The following ATXN7 variants were observed in gnomAD, a reference collection of about 807,000 sequenced individuals.
ATXN7 encodes the protein ataxin-7.
A neutral mutation model predicts 70.5 loss-of-function variants in ATXN7; 12 were observed. The ratio of observed to expected loss-of-function variants is 0.17; its 90% CI spans 0.11 to 0.28. ATXN7 has a LOEUF of 0.28. Among genes scored for constraint, ATXN7 ranks in the 10% least tolerant of loss-of-function variants. ATXN7 has a pLI of 1.00. For synonymous variants in ATXN7, 498 were observed against 448.7 expected (o/e 1.11, Z -1.39); for missense variants, 1,256 against 1,131.7 (o/e 1.11, Z -1.58).
intron 7 of ATXN7, 143 bp from the exon 8 acceptor site, chr3:63,982,793 CGTT>C (rs142586136): frequency 0.12 from 80,453 of 667,114 alleles, 5,255 homozygotes; most frequent in Admixed American, 0.17. Flanking sequence ...AGCACTCACA[CGTT>C]GTATATTTTT....
chr3:63,991,106 G>A, intron 11 of ATXN7: 1 of 509,484 alleles, frequency 2.0e-6, no homozygotes, highest in Non-Finnish European at 3.5e-6. Context: ...GTCTAGTTGG[G>A]ATTGGGTAAG....
intron 4 of ATXN7, among the ~76,000 whole-genome samples, chr3:63,944,262 C>G (rs1395714697): frequency 6.6e-6 from 1 of 152,110 alleles, no homozygotes; most frequent in Non-Finnish European, 1.5e-5. Flanking sequence ...ACATACATAA[C>G]TATGTTAAAG....
At chr3:63,930,532 A>G (rs757416155) in intron 4 of ATXN7, among the ~76,000 whole-genome samples, 30 of 144,084 alleles carry the variant, frequency 2.1e-4, no homozygotes, top group Admixed American at 6.9e-4. Flanking sequence ...AGAGTTTACA[A>G]TTTTTTTTTT....
chr3:63,946,579 C>T (rs1559642069), intron 4 of ATXN7, among the ~76,000 whole-genome samples: 1 of 150,238 alleles, frequency 6.7e-6, no homozygotes, highest in Non-Finnish European at 1.5e-5. Flanking sequence ...GGAGGCGGAG[C>T]TTGCAGTGAG....
In ATXN7 at chr3:63,912,684, GGCAGCAGCA is replaced by G. The variant is rs193922929; in HGVS notation, c.110_118del (p.Gln37_Gln39del). 10,455 of 1,087,000 alleles carry G rather than the reference GGCAGCAGCA, an allele frequency of 9.6e-3. 97 individuals are homozygous for G. The highest frequency in any genetic ancestry group is 0.03 in the African/African-American group (1,757 of 57,698). The allele number at this position is 1,087,000 out of a possible 1,614,324, so 67.3% of individuals were successfully genotyped here. A position where few individuals can be genotyped will look rare whatever the true frequency, so the allele number is the denominator to read the frequency against. On this transcript the variant is annotated inframe_deletion, in exon 3 of 13. Coordinates refer to ENST00000674280, the MANE Select transcript of ATXN7 (RefSeq NM_001377405.1). ...GGCGGAGCAGCGGCCGCGGCCGCCC[GGCAGCAGCA>G]GCAGCAGCAGCAGCAGCAGCAGCCG...
chr3:63,982,455 A>C lies in ATXN7; in HGVS notation c.1012+10A>C, dbSNP rs767727237. ...AATAAGAGATTATCAGGTAACTTCA[A>C]ATTTTCTTTCTTCATAATGCTTCTC... On this transcript the variant is annotated intron_variant, in intron 7 of 12. Transcript: ENST00000674280. The C allele has an allele frequency of 1.3e-6, 2 of 1,582,684 alleles. No homozygotes were observed. Among genetic ancestry groups the C allele is most frequent in the South Asian group, 2.2e-5 (2 of 88,912 alleles).
At chr3:63,998,017 A>G (rs1258276522) in intron 12 of ATXN7, 3 of 985,290 alleles carry the variant, frequency 3.0e-6, no homozygotes, top group Non-Finnish European at 2.4e-6. Context: ...ACAGTCCAAT[A>G]TAAACACAGA....
At chr3:63,986,956 A>G (rs550574395) in intron 8 of ATXN7, among the ~76,000 whole-genome samples, 3 of 152,134 alleles carry the variant, frequency 2.0e-5, no homozygotes, top group African/African-American at 7.2e-5. Flanking sequence ...ATGTTTATGG[A>G]TATGTGATTA....
rs2075497982 is a variant in ATXN7 at position 63,982,107 on chromosome 3, C to T, written c.753-79C>T. On this transcript the variant is annotated intron_variant, in intron 6 of 12. Transcript: ENST00000674280. ...CGCTTGGGTAGGCCCAGGCTCTATCCTCATCCCTCTGGCTCACCATTCACC... is the reference window on the plus strand; with the variant it reads ...CGCTTGGGTAGGCCCAGGCTCTATCTTCATCCCTCTGGCTCACCATTCACC... The T allele has an allele frequency of 4.4e-6, 7 of 1,591,928 alleles. No homozygotes were observed. In the Admixed American group the frequency reaches 5.0e-5, roughly 11 times the overall value.
chr3:63,994,856 T>C (rs888701665), intron 11 of ATXN7, among the ~76,000 whole-genome samples: 2 of 152,234 alleles, frequency 1.3e-5, no homozygotes, highest in Admixed American at 1.3e-4. Flanking sequence ...ATTTAGATGG[T>C]TTCCGCATCC....
At chr3:63,883,742 AG>A (rs915236313) in intron 1 of ATXN7, among the ~76,000 whole-genome samples, 1 of 152,182 alleles carries the variant, frequency 6.6e-6, no homozygotes, top group African/African-American at 2.4e-5. Flanking sequence ...GTTGACACCA[AG>A]GAAGTATCAT....
At chr3:63,915,637 A>C (rs1314336593) in intron 4 of ATXN7, among the ~76,000 whole-genome samples, 1 of 152,130 alleles carries the variant, frequency 6.6e-6, no homozygotes, top group Non-Finnish European at 1.5e-5. Context: ...TATGTAGATA[A>C]ATTGATCATG....
chr3:63,863,951 G>GCGCCGCCGCCGCCGC lies in ATXN7; in HGVS notation c.-305_-291dup, dbSNP rs1161401026. ...TCCGACGCCTGAGCCGCGCCGCGCCGCGCCGCCGCCGCCGCCGCCGCCGCC... is the reference window on the plus strand; with the variant it reads ...TCCGACGCCTGAGCCGCGCCGCGCCGCGCCGCCGCCGCCGCCGCCGCCGCCGCCGCCGCCGCCGCC... On this transcript the variant is annotated 5_prime_UTR_variant, in exon 1 of 13. Coordinates refer to ENST00000674280, the MANE Select transcript of ATXN7 (RefSeq NM_001377405.1). 10 of 81,062 alleles carry GCGCCGCCGCCGCCGC rather than the reference G, an allele frequency of 1.2e-4. No individual in the cohort carries two copies. In the South Asian group the frequency reaches 1.5e-3, roughly 12 times the overall value. 5.0% of individuals were successfully genotyped at this position (81,062 alleles called of 1,614,324 possible).
At chr3:63,918,193 AAAC>A (rs1370370694) in intron 4 of ATXN7, among the ~76,000 whole-genome samples, 39 of 152,322 alleles carry the variant, frequency 2.6e-4, no homozygotes, top group Non-Finnish European at 5.0e-4. Flanking sequence ...ACAAACAAAC[AAAC>A]AAACAAAACA....
At position 63,883,705 on chromosome 3, in the gene ATXN7, G is replaced by A. The variant is rs191394542; in HGVS notation, c.-110-14694G>A. On this transcript the variant is annotated intron_variant, in intron 1 of 12. Coordinates refer to ENST00000674280, the MANE Select transcript of ATXN7 (RefSeq NM_001377405.1). ...AAAGCCAGATCTGATTGATATTTCT[G>A]TTTACCCTTAGCTCAGGTAATTAAG... Among the ~76,000 whole-genome samples the A allele has an allele frequency of 9.9e-5, 15 of 152,182 alleles. No individual in the cohort carries two copies. In the East Asian group the frequency reaches 2.7e-3, roughly 27 times the overall value.
intron 8 of ATXN7, among the ~76,000 whole-genome samples, chr3:63,983,317 C>A (rs950464130): frequency 2.0e-5 from 3 of 152,144 alleles, no homozygotes; most frequent in African/African-American, 7.2e-5. Context: ...TTAATATTTC[C>A]ATATAGGCTA....
At chr3:63,900,871 A>T (rs962855589) in intron 2 of ATXN7, 3 of 152,404 alleles carry the variant, frequency 2.0e-5, no homozygotes, top group Admixed American at 2.0e-4. Context: ...CAAGTTCAAA[A>T]GTCTGTAGAG....
At chr3:63,936,903 T>G (rs887988319) in intron 4 of ATXN7, among the ~76,000 whole-genome samples, 1 of 150,354 alleles carries the variant, frequency 6.7e-6, no homozygotes, top group African/African-American at 2.5e-5. Context: ...CAGTGGAATA[T>G]TCAAGCTTAT....
At chr3:63,959,553 T>A (rs900478302) in intron 5 of ATXN7, among the ~76,000 whole-genome samples, 2 of 152,208 alleles carry the variant, frequency 1.3e-5, no homozygotes, top group Non-Finnish European at 2.9e-5. Flanking sequence ...TAGAGAGTGA[T>A]AGCGTGACAT....
Sources: allele counts gnomAD v4.1 joint callset (sites outside exome capture counted in the v4.1 genomes callset), GRCh38; gene constraint gnomAD v4.1.1; transcripts MANE v1.5; gene names NCBI Gene and HGNC (gene_info 2026-07-23, HGNC 2026-07-21).